NRXN1: variants seen among roughly 807,000 people sequenced by gnomAD.
NRXN1 encodes the protein neurexin-1.
NRXN1 carries 39 observed loss-of-function variants against 150.9 expected under a neutral mutation model. The observed-to-expected ratio is 0.26, with a 90% CI of 0.20 to 0.34. The LOEUF is 0.34. NRXN1 is among the 10% of genes least tolerant of loss of function. The pLI is 1.00. For missense variants in NRXN1, 1,815 were observed against 1,949.9 expected, an observed-to-expected ratio of 0.93 and a Z score of 1.30; for synonymous variants, 924 against 757.0, an observed-to-expected ratio of 1.22 and a Z score of -3.62.
At position 50,841,892 on chromosome 2, in the gene NRXN1, A is replaced by C. The variant is rs1672930518; in HGVS notation, c.832+79977T>G. On this transcript the variant is annotated intron_variant, in intron 5 of 22. Coordinates refer to ENST00000401669, the MANE Select transcript of NRXN1 (RefSeq NM_001330078.2). ...GAACTTACTGAATTATAGTCTGGTG[A>C]GTTGAATAAATTCTTTGTCATTTTT... 1.3e-5 allele frequency among the ~76,000 whole-genome samples: 2 copies of C among 152,178 alleles called. 1 individual carries two copies. Among genetic ancestry groups the C allele is most frequent in the South Asian group, 4.1e-4 (2 of 4,836 alleles).
chr2:49,975,239 A>C (rs993143365), intron 21 of NRXN1, among the ~76,000 whole-genome samples: 2 of 152,008 alleles, frequency 1.3e-5, no homozygotes, highest in African/African-American at 4.8e-5. Context: ...AGCATAAAAC[A>C]ATCTTCAGGA....
intron 5 of NRXN1, among the ~76,000 whole-genome samples, chr2:50,809,932 TTG>T (rs1353577607): frequency 1.3e-5 from 2 of 152,160 alleles, no homozygotes; most frequent in African/African-American, 4.8e-5. Flanking sequence ...AAAAATACCA[TTG>T]TGTTTATTCA....
intron 5 of NRXN1, among the ~76,000 whole-genome samples, chr2:50,689,612 GT>G (rs1691759302): frequency 6.6e-6 from 1 of 152,140 alleles, no homozygotes. Flanking sequence ...GCACTGTCAT[GT>G]GTTGTACCAC....
intron 5 of NRXN1, among the ~76,000 whole-genome samples, chr2:50,875,492 T>G (rs1318112695): frequency 6.6e-6 from 1 of 151,724 alleles, no homozygotes; most frequent in Non-Finnish European, 1.5e-5. Flanking sequence ...TATTCAAATC[T>G]TTATCCTAAA....
At chr2:50,423,545 C>T (rs2084170019) in intron 17 of NRXN1, among the ~76,000 whole-genome samples, 4 of 152,032 alleles carry the variant, frequency 2.6e-5, no homozygotes, top group Admixed American at 1.3e-4. Flanking sequence ...AGTTCCATTG[C>T]CCTAGAAAAG....
At chr2:50,946,184 G>A (rs769584261) in intron 2 of NRXN1, among the ~76,000 whole-genome samples, 2 of 151,976 alleles carry the variant, frequency 1.3e-5, no homozygotes, top group Non-Finnish European at 2.9e-5. Context: ...AGAGATGTCC[G>A]TCAAGAAGTC....
chr2:50,967,988 G>A (rs549294988), intron 2 of NRXN1, among the ~76,000 whole-genome samples: 1 of 151,718 alleles, frequency 6.6e-6, no homozygotes, highest in Non-Finnish European at 1.5e-5. Context: ...ATCTCTCTCG[G>A]GGCTAACTTT....
intron 2 of NRXN1, among the ~76,000 whole-genome samples, chr2:51,010,982 T>G (rs559516622): frequency 6.6e-5 from 10 of 152,030 alleles, no homozygotes; most frequent in African/African-American, 2.4e-4. Context: ...GCTTTTTGCC[T>G]GGGCTGGTCT....
intron 18 of NRXN1, among the ~76,000 whole-genome samples, chr2:50,112,270 G>T (rs1287571468): frequency 6.6e-6 from 1 of 152,050 alleles, no homozygotes; most frequent in Admixed American, 6.5e-5. Flanking sequence ...TTTATCTTGG[G>T]CTTAAACTCC....
At chr2:50,956,232 T>A (rs1355831636) in intron 2 of NRXN1, among the ~76,000 whole-genome samples, 3 of 152,188 alleles carry the variant, frequency 2.0e-5, no homozygotes, top group African/African-American at 7.2e-5. Context: ...TTATAAGTTA[T>A]TGCTGTTAAC....
At chr2:50,423,968 T>C (rs1240241960) in intron 17 of NRXN1, among the ~76,000 whole-genome samples, 1 of 151,562 alleles carries the variant, frequency 6.6e-6, no homozygotes, top group Non-Finnish European at 1.5e-5. Flanking sequence ...GAACTGAAAA[T>C]TTACAGTGGA....
intron 2 of NRXN1, among the ~76,000 whole-genome samples, chr2:50,981,457 C>CAAAAAAAAA (rs70958635): frequency 2.6e-4 from 6 of 23,234 alleles, no homozygotes; most frequent in Admixed American, 7.0e-4. Context: ...AACTCTATCT[C>CAAAAAAAAA]AAAAAAAAAA....
intron 5 of NRXN1, among the ~76,000 whole-genome samples, chr2:50,750,043 T>A (rs1700411882): frequency 6.6e-6 from 1 of 152,084 alleles, no homozygotes; most frequent in Non-Finnish European, 1.5e-5. Flanking sequence ...CTCAGTCTTG[T>A]CAAGATGCAG....
intron 5 of NRXN1, among the ~76,000 whole-genome samples, chr2:50,810,810 T>C (rs1668113362): frequency 6.6e-6 from 1 of 152,044 alleles, no homozygotes; most frequent in Non-Finnish European, 1.5e-5. Context: ...TGAAACCCTG[T>C]CTCTACCAAA....
At chr2:50,175,666 C>T (rs921098174) in intron 18 of NRXN1, among the ~76,000 whole-genome samples, 2 of 151,792 alleles carry the variant, frequency 1.3e-5, no homozygotes, top group Non-Finnish European at 2.9e-5. Context: ...TATACATATA[C>T]ATTTACAACA....
intron 2 of NRXN1, among the ~76,000 whole-genome samples, chr2:50,935,646 G>A (rs1167954567): frequency 6.6e-6 from 1 of 152,050 alleles, no homozygotes; most frequent in Non-Finnish European, 1.5e-5. Context: ...ATAATCACTT[G>A]AATCTGGGAG....
intron 18 of NRXN1, among the ~76,000 whole-genome samples, chr2:50,135,742 C>G (rs1173664925): frequency 1.3e-5 from 2 of 151,860 alleles, no homozygotes; most frequent in African/African-American, 2.4e-5. Context: ...AAGAAGCTGC[C>G]CAATAATGTC....
chr2:50,616,956 G>A (rs983415097), intron 8 of NRXN1, among the ~76,000 whole-genome samples: 6 of 152,200 alleles, frequency 3.9e-5, no homozygotes, highest in Non-Finnish European at 5.9e-5. Flanking sequence ...GAGAGATTCT[G>A]TGAGAATGAA....
At chr2:50,547,475 C>T (rs1341927452) in intron 9 of NRXN1, 3 of 152,110 alleles carry the variant, frequency 2.0e-5, no homozygotes, top group Non-Finnish European at 2.9e-5. Flanking sequence ...AATACCTGGG[C>T]AGCTGTTTTG....
Sources: allele counts gnomAD v4.1 joint callset (sites outside exome capture counted in the v4.1 genomes callset), GRCh38; gene constraint gnomAD v4.1.1; transcripts MANE v1.5; gene names NCBI Gene and HGNC (gene_info 2026-07-23, HGNC 2026-07-21).